The following CEP350 variants were observed in gnomAD, a reference collection of about 807,000 sequenced individuals.
CEP350 encodes centrosomal protein 350, also known as centrosome-associated protein 350.
CEP350 carries 126 observed loss-of-function variants against 331.8 expected under a neutral mutation model. The observed-to-expected ratio is 0.38, with a 90% confidence interval of 0.33 to 0.44. The LOEUF is 0.44. Ranked by LOEUF, CEP350 falls within the 20% of genes least tolerant of loss-of-function variation. CEP350 has a pLI of 1.00. For missense variants in CEP350, 3,406 were observed against 3,634.6 expected (o/e 0.94, Z 1.62); for synonymous variants, 1,200 against 1,259.5 (o/e 0.95, Z 1.00).
intron 28 of CEP350, among the ~76,000 whole-genome samples, chr1:180,076,194 G>GT (rs1352650437): frequency 6.6e-6 from 1 of 151,676 alleles, no homozygotes; most frequent in Non-Finnish European, 1.5e-5. Context: ...GGAAAACCTG[G>GT]TATTATAGTT....
At chr1:180,006,406 G>A (rs1011538672) in intron 7 of CEP350, 48 bp from the exon 8 acceptor site, 14 of 929,508 alleles carry the variant, frequency 1.5e-5, no homozygotes, top group Non-Finnish European at 2.4e-5. Flanking sequence ...GATAAGTGAG[G>A]GAATGAAAAT....
At position 180,087,644 on chromosome 1, in the gene CEP350, GC is replaced by G; in HGVS notation, c.6354del (p.Lys2119SerfsTer34). The G allele has an allele frequency of 6.4e-7, 1 of 1,565,940 alleles. No individual in the cohort carries two copies. Among genetic ancestry groups the G allele is most frequent in the Non-Finnish European group, 8.7e-7 (1 of 1,153,862 alleles). On this transcript the variant is annotated frameshift_variant, in exon 32 of 38. Coordinates refer to ENST00000367607, the MANE Select transcript of CEP350 (RefSeq NM_014810.5). LOFTEE classifies it high-confidence loss of function. ...CCAAGATTTGGAAACATCACCAACA[GC>G]CAAGCCTCAGATTAAAACGCTCTCC... The part of the protein sequence containing the change: ...LSQDLETSPT[A>X]KPQIKTLSSA...
intron 3 of CEP350, among the ~76,000 whole-genome samples, chr1:179,990,093 G>A (rs1243052995): frequency 1.3e-5 from 2 of 151,976 alleles, no homozygotes; most frequent in Non-Finnish European, 2.9e-5. Flanking sequence ...GGAGGCTGAG[G>A]GAGAATCTCT....
rs1176832902 is a variant in CEP350 at position 180,031,251 on chromosome 1, A to G, written c.3551-69A>G. The G allele has an allele frequency of 3.5e-6, 3 of 868,484 alleles. No individual in the cohort carries two copies. The South Asian group carries it at 4.8e-5, about 14-fold the overall frequency. The allele number at this position is 868,484 out of a possible 1,614,324, so 53.8% of individuals were successfully genotyped here. A position where few individuals can be genotyped will look rare whatever the true frequency, so the allele number is the denominator to read the frequency against. On this transcript the variant is annotated intron_variant, in intron 14 of 37. Coordinates refer to ENST00000367607, the MANE Select transcript of CEP350 (RefSeq NM_014810.5). ...ACTTTTTGTTATTTTATTGAAATCT[A>G]TATATCAATTATCTCTCTCAATAAC...
At chr1:180,050,689 A>C (rs1657439193) in intron 22 of CEP350, among the ~76,000 whole-genome samples, 2 of 150,274 alleles carry the variant, frequency 1.3e-5, no homozygotes, top group African/African-American at 4.9e-5. Context: ...AAAAAAAAAA[A>C]ACAAAAAAAC....
chr1:180,073,101 CTA>C (rs1350036816), intron 27 of CEP350, among the ~76,000 whole-genome samples: 1 of 151,786 alleles, frequency 6.6e-6, no homozygotes, highest in Non-Finnish European at 1.5e-5. Context: ...TTTCTACTGA[CTA>C]TTTATTGGGA....
intron 37 of CEP350, among the ~76,000 whole-genome samples, chr1:180,103,080 G>T (rs1311193242): frequency 6.6e-6 from 1 of 152,220 alleles, no homozygotes; most frequent in Non-Finnish European, 1.5e-5. Context: ...GCTTTAAGAG[G>T]TGGTATCTGA....
At chr1:180,019,637 A>G (rs556660845) in intron 11 of CEP350, among the ~76,000 whole-genome samples, 10 of 152,272 alleles carry the variant, frequency 6.6e-5, no homozygotes, top group Middle Eastern at 3.4e-3. Context: ...ATAGTTTTTT[A>G]AAAATATGGC....
intron 15 of CEP350, among the ~76,000 whole-genome samples, chr1:180,032,784 C>T (rs2148885116): frequency 6.6e-6 from 1 of 152,194 alleles, no homozygotes; most frequent in Non-Finnish European, 1.5e-5. Flanking sequence ...ATAAATTCAT[C>T]TTATAAAACC....
At chr1:179,991,667 ATGTGTGTGTG>A (rs751570955) in intron 4 of CEP350, among the ~76,000 whole-genome samples, 43 of 90,210 alleles carry the variant, frequency 4.8e-4, no homozygotes, top group East Asian at 3.9e-3. Context: ...ATATATATAT[ATGTGTGTGTG>A]TGTGTGTGTG....
chr1:180,061,316 C>T (rs1658216049), intron 25 of CEP350, among the ~76,000 whole-genome samples: 1 of 152,094 alleles, frequency 6.6e-6, no homozygotes, highest in Admixed American at 6.6e-5. Flanking sequence ...CCCACCTCAG[C>T]CTCCCAAGTG....
chr1:180,026,365 G>A (rs780459016), intron 14 of CEP350, among the ~76,000 whole-genome samples: 17 of 151,838 alleles, frequency 1.1e-4, no homozygotes, highest in Non-Finnish European at 2.4e-4. Flanking sequence ...GGCTGGTCTC[G>A]AACTCCTGGG....
At chr1:179,956,872 A>T (rs1256695264) in intron 1 of CEP350, among the ~76,000 whole-genome samples, 3 of 152,128 alleles carry the variant, frequency 2.0e-5, no homozygotes, top group African/African-American at 2.4e-5. Flanking sequence ...ATAATGTGGA[A>T]TTATTTTTAT....
intron 9 of CEP350, among the ~76,000 whole-genome samples, chr1:180,012,937 A>G (rs942648039): frequency 3.9e-5 from 6 of 152,170 alleles, no homozygotes; most frequent in African/African-American, 1.4e-4. Context: ...GTAGAGGCTT[A>G]ACATTTATTC....
At chr1:179,958,047 T>C (rs1650308003) in intron 1 of CEP350, among the ~76,000 whole-genome samples, 1 of 152,218 alleles carries the variant, frequency 6.6e-6, no homozygotes, top group South Asian at 2.1e-4. Context: ...AAGAATCCAT[T>C]GCACAGCTGC....
intron 25 of CEP350, among the ~76,000 whole-genome samples, chr1:180,058,141 C>T (rs1204546613): frequency 1.3e-5 from 2 of 152,138 alleles, no homozygotes; most frequent in Admixed American, 6.5e-5. Flanking sequence ...AAAGCTTTCA[C>T]ATATGTTCAA....
At position 180,113,969 on chromosome 1, in the gene CEP350, G is replaced by C. The variant is rs1454601724; in HGVS notation, c.*2808G>C. ...CTGGGTTAAACAAGTACAGGGTATA[G>C]ATTCCCTCTTCAGGTCTACACAGGA... On this transcript the variant is annotated 3_prime_UTR_variant, in exon 38 of 38. Transcript: ENST00000367607. 1 of 152,590 alleles carries C rather than the reference G, an allele frequency of 6.6e-6. No homozygotes were observed. The highest frequency in any genetic ancestry group is 1.9e-4 in the East Asian group (1 of 5,198). 9.5% of individuals were successfully genotyped at this position (152,590 alleles called of 1,614,324 possible).
At chr1:180,105,327 C>T (rs747448936) in intron 37 of CEP350, among the ~76,000 whole-genome samples, 2 of 152,050 alleles carry the variant, frequency 1.3e-5, no homozygotes, top group African/African-American at 4.8e-5. Flanking sequence ...CTTTATTTGT[C>T]TACACTCCTT....
At chr1:180,107,827 C>CA (rs1394625466) in intron 37 of CEP350, among the ~76,000 whole-genome samples, 1 of 111,398 alleles carries the variant, frequency 9.0e-6, no homozygotes, top group East Asian at 3.0e-4. Context: ...CCTCTGCTCC[C>CA]AAAAAAACAA....
Sources: allele counts gnomAD v4.1 joint callset (sites outside exome capture counted in the v4.1 genomes callset), GRCh38; gene constraint gnomAD v4.1.1; transcripts MANE v1.5; gene names NCBI Gene and HGNC (gene_info 2026-07-23, HGNC 2026-07-21).